The following KLRG1 variants were observed in gnomAD, a reference collection of about 807,000 sequenced individuals.
KLRG1 encodes the protein killer cell lectin like receptor G1.
A neutral mutation model predicts 21.8 loss-of-function variants in KLRG1; 16 were observed. The observed-to-expected ratio is 0.73, with a 90% CI of 0.50 to 1.11. KLRG1 has a LOEUF of 1.11. KLRG1 is among the 50% of genes most tolerant of loss of function. The pLI is 0.00. For synonymous variants in KLRG1, 69 were observed against 75.9 expected (o/e 0.91, Z 0.47); for missense variants, 173 against 218.3 (o/e 0.79, Z 1.31).
At chr12:9,109,099 G>C in the KLRG1 span, among the ~76,000 whole-genome samples, 1 of 152,054 alleles carries the variant, frequency 6.6e-6, no homozygotes, top group African/African-American at 2.4e-5. Flanking sequence ...AACCTCTCTA[G>C]AAACAGTTTC....
At chr12:9,213,803 G>T in the KLRG1 span, among the ~76,000 whole-genome samples, 1 of 151,836 alleles carries the variant, frequency 6.6e-6, no homozygotes, top group Non-Finnish European at 1.5e-5. Flanking sequence ...GCATGATAGC[G>T]TCCTGAGACA....
chr12:9,076,797 T>C, the KLRG1 span: 1 of 1,614,010 alleles, frequency 6.2e-7, no homozygotes, highest in Admixed American at 1.7e-5. Flanking sequence ...GAGTACTTCC[T>C]TCCTCTTGTC....
chr12:9,182,710 G>A, the KLRG1 span, among the ~76,000 whole-genome samples: 3 of 152,302 alleles, frequency 2.0e-5, no homozygotes, highest in South Asian at 6.2e-4. Context: ...TTAAAGCAGG[G>A]TGAAGGGCCA....
the KLRG1 span, among the ~76,000 whole-genome samples, chr12:9,051,742 C>G: frequency 1.3e-5 from 2 of 152,220 alleles, no homozygotes; most frequent in Non-Finnish European, 2.9e-5. Context: ...ACTGATTTCT[C>G]TAGCCTCACT....
At chr12:9,047,156 A>AT in the KLRG1 span, among the ~76,000 whole-genome samples, 11 of 152,168 alleles carry the variant, frequency 7.2e-5, no homozygotes, top group Non-Finnish European at 4.4e-5. Flanking sequence ...ACCTGGCTTT[A>AT]TTTTTTATTC....
chr12:9,030,033 T>A, the KLRG1 span, among the ~76,000 whole-genome samples: 1 of 152,080 alleles, frequency 6.6e-6, no homozygotes, highest in Non-Finnish European at 1.5e-5. Context: ...AGATTACAGG[T>A]GTGAGCCACT....
chr12:9,165,484 G>C, the KLRG1 span: 2 of 1,162,332 alleles, frequency 1.7e-6, no homozygotes, highest in Non-Finnish European at 2.5e-6. Flanking sequence ...GGGTATATGC[G>C]AGTGTGCATT....
At chr12:9,164,186 A>T in the KLRG1 span, 1 of 1,610,124 alleles carries the variant, frequency 6.2e-7, no homozygotes, top group Non-Finnish European at 8.5e-7. Flanking sequence ...ATTTCCACAG[A>T]TACAATAGGA....
At chr12:9,174,848 C>T in the KLRG1 span, among the ~76,000 whole-genome samples, 23 of 152,090 alleles carry the variant, frequency 1.5e-4, no homozygotes, top group Non-Finnish European at 2.8e-4. Context: ...CATCCTCACG[C>T]ATAAGAAGAA....
the KLRG1 span, chr12:9,079,987 G>A: frequency 5.3e-6 from 5 of 935,426 alleles, no homozygotes; most frequent in East Asian, 1.4e-4. Context: ...AAGAAGAGAA[G>A]AAAGAAGTTA....
At chr12:9,129,012 G>A in the KLRG1 span, among the ~76,000 whole-genome samples, 2 of 152,102 alleles carry the variant, frequency 1.3e-5, no homozygotes, top group South Asian at 4.1e-4. Context: ...TCATGAAGTG[G>A]CTTGCTTTTG....
the KLRG1 span, among the ~76,000 whole-genome samples, chr12:9,022,047 C>T: frequency 7.1e-6 from 1 of 140,364 alleles, no homozygotes; most frequent in East Asian, 2.1e-4. Context: ...ATCCCTTGGG[C>T]CCAGGAGGTT....
the KLRG1 span, among the ~76,000 whole-genome samples, chr12:9,178,063 A>G: frequency 8.5e-5 from 13 of 152,362 alleles, no homozygotes; most frequent in African/African-American, 2.9e-4. Flanking sequence ...ATGAGGAGAT[A>G]TTTTGACCTG....
chr12:9,169,873 A>C, the KLRG1 span: 23 of 249,586 alleles, frequency 9.2e-5, no homozygotes, highest in Non-Finnish European at 1.7e-4. Context: ...AAATAGACCA[A>C]ATATAGAAAG....
chr12:9,194,613 C>G, the KLRG1 span, among the ~76,000 whole-genome samples: 1 of 151,946 alleles, frequency 6.6e-6, no homozygotes, highest in Non-Finnish European at 1.5e-5. Context: ...TACAGGCGCC[C>G]GCCACCCCGC....
the KLRG1 span, among the ~76,000 whole-genome samples, chr12:9,166,659 A>G: frequency 6.6e-6 from 1 of 152,238 alleles, no homozygotes; most frequent in South Asian, 2.1e-4. Flanking sequence ...CATAAATTAA[A>G]TTTACTTTAA....
At chr12:9,097,982 C>T in the KLRG1 span, among the ~76,000 whole-genome samples, 2,437 of 152,316 alleles carry the variant, frequency 0.016, 68 homozygotes, top group African/African-American at 0.056. Context: ...TGTATAGCCT[C>T]AGTGCAGGTA....
chr12:9,162,296 T>C, the KLRG1 span: 3 of 298,192 alleles, frequency 1.0e-5, no homozygotes, highest in Non-Finnish European at 1.8e-5. Context: ...CCTGGGACAC[T>C]CTAAGCTTCT....
the KLRG1 span, among the ~76,000 whole-genome samples, chr12:9,143,153 T>G: frequency 1.3e-5 from 2 of 152,178 alleles, no homozygotes; most frequent in South Asian, 2.1e-4. Context: ...CAAGTTAAAT[T>G]AAAGGATTGG....
Sources: gnomAD v4.1 joint callset for allele counts (sites outside exome capture counted in the v4.1 genomes callset) on GRCh38, gnomAD v4.1.1 for gene constraint, MANE v1.5 for transcripts, NCBI Gene and HGNC (gene_info 2026-07-23, HGNC 2026-07-21) for gene names.